The following XRCC4 variants were observed in gnomAD, a reference collection of about 807,000 sequenced individuals.
The protein encoded by XRCC4 is X-ray repair cross complementing 4.
In XRCC4, 28 loss-of-function variants were observed where a neutral mutation model predicts 39.1. The observed-to-expected ratio is 0.72, with a 90% CI of 0.53 to 0.98. The LOEUF is 0.98. XRCC4 is among the 50% of genes least tolerant of loss of function. XRCC4 has a pLI of 0.00. For missense variants in XRCC4, 350 were observed against 376.4 expected, an observed-to-expected ratio of 0.93 and a Z score of 0.58; for synonymous variants, 123 against 126.4, an observed-to-expected ratio of 0.97 and a Z score of 0.18.
intron 1 of XRCC4, among the ~76,000 whole-genome samples, chr5:83,091,981 A>G (rs1745449927): frequency 6.6e-6 from 1 of 152,202 alleles, no homozygotes; most frequent in Non-Finnish European, 1.5e-5. Context: ...TCCTACCAAC[A>G]GGATACAAAG....
At chr5:83,240,030 T>G (rs1042715653) in intron 6 of XRCC4, among the ~76,000 whole-genome samples, 1 of 151,386 alleles carries the variant, frequency 6.6e-6, no homozygotes, top group African/African-American at 2.4e-5. Context: ...ACACTTTACC[T>G]GAATGTGGTA....
At chr5:83,248,511 G>C (rs1189033202) in intron 6 of XRCC4, among the ~76,000 whole-genome samples, 2 of 152,148 alleles carry the variant, frequency 1.3e-5, no homozygotes, top group African/African-American at 4.8e-5. Context: ...AAGGCATCAA[G>C]ACTGATTCCA....
chr5:83,136,671 C>T (rs868673740), intron 3 of XRCC4, among the ~76,000 whole-genome samples: 25 of 152,066 alleles, frequency 1.6e-4, no homozygotes, highest in African/African-American at 5.8e-4. Context: ...TACCTACATT[C>T]TGAATGCTGT....
chr5:83,188,214 G>A (rs1164711032), intron 3 of XRCC4, among the ~76,000 whole-genome samples: 1 of 152,054 alleles, frequency 6.6e-6, no homozygotes, highest in African/African-American at 2.4e-5. Flanking sequence ...TTGTCCAGGG[G>A]CTGTGGTCTC....
At chr5:83,226,808 T>C (rs1364599512) in intron 6 of XRCC4, among the ~76,000 whole-genome samples, 1 of 152,134 alleles carries the variant, frequency 6.6e-6, no homozygotes, top group Non-Finnish European at 1.5e-5. Context: ...TGTAGACAGA[T>C]GTTTATTCGG....
At chr5:83,283,818 A>G (rs914125015) in intron 7 of XRCC4, among the ~76,000 whole-genome samples, 2 of 152,060 alleles carry the variant, frequency 1.3e-5, no homozygotes, top group Non-Finnish European at 2.9e-5. Flanking sequence ...TACTATGATC[A>G]CATTGATCTA....
intron 1 of XRCC4, among the ~76,000 whole-genome samples, chr5:83,078,496 C>A (rs1362208046): frequency 2.0e-5 from 3 of 152,164 alleles, no homozygotes; most frequent in African/African-American, 7.2e-5. Context: ...GAAGGTAACT[C>A]ACGTGAGATT....
chr5:83,258,380 C>T, intron 6 of XRCC4, 150 bp from the exon 7 acceptor site: 1 of 895,556 alleles, frequency 1.1e-6, no homozygotes, highest in South Asian at 1.7e-5. Context: ...ATCTAACTGA[C>T]TTGATTCAAC....
chr5:83,160,106 C>G (rs1350824720), intron 3 of XRCC4, among the ~76,000 whole-genome samples: 1 of 152,022 alleles, frequency 6.6e-6, no homozygotes, highest in Non-Finnish European at 1.5e-5. Flanking sequence ...AGAAATAGCC[C>G]TGAATCTTAT....
intron 7 of XRCC4, 45 bp from the exon 8 acceptor site, chr5:83,353,083 CAGA>C: frequency 9.0e-6 from 13 of 1,439,672 alleles, no homozygotes; most frequent in Non-Finnish European, 1.2e-5. Flanking sequence ...TACTCTATAA[CAGA>C]AGTTTTTAAA....
intron 3 of XRCC4, among the ~76,000 whole-genome samples, chr5:83,146,050 C>G (rs114746146): frequency 2.6e-4 from 39 of 152,176 alleles, no homozygotes; most frequent in African/African-American, 8.7e-4. Flanking sequence ...TTGAACTTTC[C>G]ACTTGTTAGG....
At chr5:83,349,231 C>T (rs923017864) in intron 7 of XRCC4, among the ~76,000 whole-genome samples, 3 of 152,286 alleles carry the variant, frequency 2.0e-5, no homozygotes, top group Admixed American at 1.3e-4. Context: ...AGTCCACCCC[C>T]GTGATCCAAT....
chr5:83,218,745 A>G (rs892285174), intron 6 of XRCC4, among the ~76,000 whole-genome samples: 1 of 152,152 alleles, frequency 6.6e-6, no homozygotes, highest in African/African-American at 2.4e-5. Context: ...GACAGAAACA[A>G]TACACAAATG....
the XRCC4 span, among the ~76,000 whole-genome samples, chr5:83,360,172 T>G: frequency 6.6e-6 from 1 of 152,150 alleles, no homozygotes; most frequent in Non-Finnish European, 1.5e-5. Context: ...TTATAGCATT[T>G]TTATGTTACG....
At chr5:83,348,375 G>T (rs1281267344) in intron 7 of XRCC4, among the ~76,000 whole-genome samples, 1 of 152,238 alleles carries the variant, frequency 6.6e-6, no homozygotes, top group Non-Finnish European at 1.5e-5. Flanking sequence ...CTAGGTGGAG[G>T]TTCTCAAGCC....
the XRCC4 span, among the ~76,000 whole-genome samples, chr5:83,373,375 C>T: frequency 2.0e-5 from 3 of 152,078 alleles, no homozygotes; most frequent in Non-Finnish European, 2.9e-5. Flanking sequence ...AATATCTGAG[C>T]ATAGAATTCA....
chr5:83,167,534 C>T (rs1749538174), intron 3 of XRCC4, among the ~76,000 whole-genome samples: 1 of 152,056 alleles, frequency 6.6e-6, no homozygotes. Flanking sequence ...CTGCACTGGC[C>T]AGGGGGTCAT....
Position 83,195,859 on chromosome 5 carries a change from A to T in XRCC4, c.405A>T (p.Ala135=). ...TTTGTTATTGCTTGGACACCATTGC[A>T]GAAAATCAAGCCAAAAATGAGCACC... ...ELICYCLDTI[A]ENQAKNEHLQ... Residue 135 remains alanine, a synonymous_variant, in exon 4 of 8, where the codon GCA becomes GCT. Transcript: ENST00000396027. 1 of 1,612,402 alleles carries T rather than the reference A, an allele frequency of 6.2e-7. No homozygotes were observed. The highest frequency in any genetic ancestry group is 8.5e-7 in the Non-Finnish European group (1 of 1,178,910).
intron 7 of XRCC4, among the ~76,000 whole-genome samples, chr5:83,348,368 G>C (rs925474638): frequency 1.3e-5 from 2 of 152,236 alleles, no homozygotes; most frequent in Non-Finnish European, 2.9e-5. Flanking sequence ...CTGAAACCTA[G>C]GTGGAGGTTC....
Sources: gnomAD v4.1 joint callset for allele counts (sites outside exome capture counted in the v4.1 genomes callset) on GRCh38, gnomAD v4.1.1 for gene constraint, MANE v1.5 for transcripts, NCBI Gene and HGNC (gene_info 2026-07-23, HGNC 2026-07-21) for gene names.